SUGCT: variants seen among roughly 807,000 people sequenced by gnomAD.
SUGCT encodes the protein succinyl-CoA:glutarate-CoA transferase.
A neutral mutation model predicts 55.0 loss-of-function variants in SUGCT; 41 were observed. The observed-to-expected ratio is 0.74, with a 90% CI of 0.58 to 0.97. The LOEUF (loss-of-function observed/expected upper bound fraction) is 0.97, where lower values mean the gene tolerates loss of function less well. SUGCT is among the 50% of genes least tolerant of loss of function. The probability of loss-of-function intolerance (pLI) is 0.00; values close to 1 mark genes in which losing one functional copy is unlikely to be tolerated. For synonymous variants in SUGCT, 187 were observed against 200.4 expected (o/e 0.93, Z 0.56); for missense variants, 568 against 547.8 (o/e 1.04, Z -0.37).
At position 40,393,010 on chromosome 7, in the gene SUGCT, C is replaced by G. The variant is rs557764062; in HGVS notation, c.817-56277C>G. On this transcript the variant is annotated intron_variant, in intron 9 of 13. Coordinates refer to ENST00000335693, the MANE Select transcript of SUGCT (RefSeq NM_001193313.2). ...GTGAGTTTGGTTTGGGGCACATTGTCTTTGGTATAGTCAAATGGTGATAGT... is the reference window on the plus strand; with the variant it reads ...GTGAGTTTGGTTTGGGGCACATTGTGTTTGGTATAGTCAAATGGTGATAGT... Among the ~76,000 whole-genome samples the G allele has an allele frequency of 2.0e-5, 3 of 152,192 alleles. No individual in the cohort carries two copies. In the South Asian group the frequency reaches 6.2e-4, roughly 32 times the overall value.
At chr7:40,623,358 C>T (rs951910756) in intron 12 of SUGCT, among the ~76,000 whole-genome samples, 2 of 152,170 alleles carry the variant, frequency 1.3e-5, no homozygotes, top group Non-Finnish European at 2.9e-5. Context: ...TACTAAATTA[C>T]CCAGACTGCT....
intron 12 of SUGCT, among the ~76,000 whole-genome samples, chr7:40,614,431 G>A (rs1798900634): frequency 6.6e-6 from 1 of 152,154 alleles, no homozygotes; most frequent in Non-Finnish European, 1.5e-5. Context: ...GTCTCCAGGA[G>A]GAGACAATCA....
intron 13 of SUGCT, among the ~76,000 whole-genome samples, chr7:40,782,320 CTT>C (rs1437429080): frequency 6.6e-6 from 1 of 152,114 alleles, no homozygotes; most frequent in Admixed American, 6.6e-5. Flanking sequence ...TCATCAGTAA[CTT>C]TTAATTTTCT....
intron 9 of SUGCT, among the ~76,000 whole-genome samples, chr7:40,374,852 G>T (rs1028817587): frequency 4.6e-5 from 7 of 152,106 alleles, no homozygotes; most frequent in African/African-American, 1.7e-4. Flanking sequence ...ATTTTATCTG[G>T]CTTGAGCCTA....
At chr7:40,970,279 C>G in the SUGCT span, among the ~76,000 whole-genome samples, 7 of 152,202 alleles carry the variant, frequency 4.6e-5, no homozygotes, top group East Asian at 1.2e-3. Context: ...TCAAGTGATT[C>G]TCCTGCCTCA....
At chr7:40,157,692 G>A (rs1783965195) in intron 1 of SUGCT, among the ~76,000 whole-genome samples, 1 of 152,072 alleles carries the variant, frequency 6.6e-6, no homozygotes. Context: ...TCCTTATAGA[G>A]GTGCTTATTG....
At chr7:40,561,502 T>C (rs1299063898) in intron 12 of SUGCT, among the ~76,000 whole-genome samples, 2 of 152,042 alleles carry the variant, frequency 1.3e-5, no homozygotes, top group Non-Finnish European at 2.9e-5. Context: ...ATATTGAACA[T>C]CTATTATGTG....
intron 1 of SUGCT, among the ~76,000 whole-genome samples, chr7:40,165,697 G>A (rs1784389306): frequency 6.6e-6 from 1 of 151,160 alleles, no homozygotes; most frequent in Admixed American, 6.7e-5. Flanking sequence ...AGCGCATTAA[G>A]AAGTGATTTT....
chr7:40,354,032 C>G (rs1357814287), intron 9 of SUGCT, among the ~76,000 whole-genome samples: 2 of 152,134 alleles, frequency 1.3e-5, no homozygotes, highest in Non-Finnish European at 2.9e-5. Context: ...TTAGTTTAGG[C>G]TATTTTCCAA....
chr7:40,559,475 C>T (rs1021488961), intron 12 of SUGCT, among the ~76,000 whole-genome samples: 1 of 152,222 alleles, frequency 6.6e-6, no homozygotes, highest in Admixed American at 6.5e-5. Flanking sequence ...CCAGTGGTTA[C>T]AATTGTCCTA....
chr7:40,346,158 T>A (rs944008877), intron 9 of SUGCT, among the ~76,000 whole-genome samples: 1 of 152,070 alleles, frequency 6.6e-6, no homozygotes, highest in Non-Finnish European at 1.5e-5. Context: ...TGTTAAACTG[T>A]ATAGGCCTAG....
intron 8 of SUGCT, among the ~76,000 whole-genome samples, chr7:40,312,894 T>C (rs932436164): frequency 3.9e-5 from 6 of 152,172 alleles, no homozygotes; most frequent in Middle Eastern, 3.2e-3. Flanking sequence ...AGTCTTGTTT[T>C]TTTCATTTTA....
the SUGCT span, among the ~76,000 whole-genome samples, chr7:40,917,471 C>G: frequency 1.3e-5 from 2 of 152,210 alleles, no homozygotes; most frequent in South Asian, 4.1e-4. Flanking sequence ...CTGGGATGTA[C>G]GCAGCCACCC....
chr7:40,309,876 A>G (rs1261346471), intron 8 of SUGCT, among the ~76,000 whole-genome samples: 1 of 101,126 alleles, frequency 9.9e-6, no homozygotes, highest in Non-Finnish European at 1.9e-5. Flanking sequence ...GTATTGAATT[A>G]TAACCAAAAA....
chr7:40,903,343 G>A, the SUGCT span, among the ~76,000 whole-genome samples: 4 of 152,234 alleles, frequency 2.6e-5, no homozygotes, highest in African/African-American at 7.2e-5. Flanking sequence ...TTACATCAGC[G>A]CCTAGACAGA....
chr7:40,462,033 A>G (rs1003540894), intron 11 of SUGCT, among the ~76,000 whole-genome samples: 2 of 152,230 alleles, frequency 1.3e-5, no homozygotes, highest in African/African-American at 4.8e-5. Context: ...ATTGAGCACT[A>G]ACTGTGTAGT....
rs1251556959 is a variant in SUGCT, at chr7:40,488,502, TA to T, written c.987-7780del. 2.6e-5 allele frequency among the ~76,000 whole-genome samples: 4 copies of T among 152,310 alleles called. No individual in the cohort carries two copies. The South Asian group carries it at 6.2e-4, about 24-fold the overall frequency. ...TTAACCTTCATTCTAAAGATATAAG[TA>T]ATTTACACACCATCATTACCATATG... On this transcript the variant is annotated intron_variant, in intron 11 of 13. Transcript: ENST00000335693.
intron 9 of SUGCT, among the ~76,000 whole-genome samples, chr7:40,377,128 CTCTTTCTT>C (rs530455909): frequency 0.09 from 566 of 6,304 alleles, 133 homozygotes; most frequent in African/African-American, 0.14. Flanking sequence ...TTCAGCCTTC[CTCTTTCTT>C]TCTTTCTTTC....
At chr7:40,927,148 G>A in the SUGCT span, among the ~76,000 whole-genome samples, 1 of 152,170 alleles carries the variant, frequency 6.6e-6, no homozygotes, top group African/African-American at 2.4e-5. Flanking sequence ...ATCTCACATA[G>A]TCTAAGATAT....
Sources: allele counts gnomAD v4.1 joint callset (sites outside exome capture counted in the v4.1 genomes callset), GRCh38; gene constraint gnomAD v4.1.1; transcripts MANE v1.5; gene names NCBI Gene and HGNC (gene_info 2026-07-23, HGNC 2026-07-21).